Variants in MAPT observed in about 807,000 individuals in gnomAD.
The protein encoded by MAPT is microtubule-associated protein tau.
Under a neutral mutation model 67.9 loss-of-function variants are expected in MAPT, and 34 were observed. The observed-to-expected ratio is 0.50, with a 90% CI of 0.38 to 0.67. The LOEUF (loss-of-function observed/expected upper bound fraction) is 0.67. Ranked by LOEUF, MAPT falls within the 30% of genes least tolerant of loss-of-function variation. MAPT has a pLI of 0.00. For synonymous variants in MAPT, 456 were observed against 464.5 expected (o/e 0.98, Z 0.23); for missense variants, 881 against 1,115.2 (o/e 0.79, Z 2.99).
chr17:45,969,889 A>C (rs2071468495), intron 2 of MAPT, among the ~76,000 whole-genome samples: 1 of 150,908 alleles, frequency 6.6e-6, no homozygotes, highest in African/African-American at 2.4e-5. Flanking sequence ...TCCTTCCTCC[A>C]TCCATCCCAT....
At chr17:45,912,506 C>A (rs572302736) in intron 1 of MAPT, among the ~76,000 whole-genome samples, 5 of 152,328 alleles carry the variant, frequency 3.3e-5, no homozygotes, top group African/African-American at 9.6e-5. Flanking sequence ...CCAAGGACTG[C>A]TGGCAGCTAC....
chr17:46,008,631 G>A (rs1189412407), intron 9 of MAPT, among the ~76,000 whole-genome samples: 1 of 152,120 alleles, frequency 6.6e-6, no homozygotes, highest in African/African-American at 2.4e-5. Context: ...AGATTATGAA[G>A]AAATGAGTTA....
In MAPT at chr17:45,996,319, C is replaced by T; in HGVS notation, c.1733-80C>T. 6.6e-7 allele frequency: 1 copy of T among 1,517,122 alleles called. No homozygotes were observed. Among genetic ancestry groups the T allele is most frequent in the Non-Finnish European group, 9.1e-7 (1 of 1,104,730 alleles). The allele number at this position is 1,517,122 out of a possible 1,614,324, so 94.0% of individuals were successfully genotyped here. ...CCCAGTGGTGAGCCTGGGAATGGAC[C>T]CACGGGACAGGCAGCCCCCAGGGCC... On this transcript the variant is annotated intron_variant, in intron 8 of 12. Transcript: ENST00000262410. The surrounding 1 kb of genome is among the most constrained non-coding windows in gnomAD (Gnocchi z 4.5).
chr17:45,909,787 C>G (rs986757318), intron 1 of MAPT, among the ~76,000 whole-genome samples: 1 of 147,022 alleles, frequency 6.8e-6, no homozygotes, highest in African/African-American at 2.5e-5. Flanking sequence ...AGGAGAGAAT[C>G]GCTTGAATCC....
chr17:45,960,965 G>T (rs770639400), intron 1 of MAPT, among the ~76,000 whole-genome samples: 3 of 152,128 alleles, frequency 2.0e-5, no homozygotes, highest in African/African-American at 7.2e-5. Flanking sequence ...TGTCCACCAT[G>T]TTCCAAGAGA....
chr17:46,004,887 T>C (rs566548439), intron 9 of MAPT, among the ~76,000 whole-genome samples: 2 of 152,302 alleles, frequency 1.3e-5, no homozygotes, highest in South Asian at 2.1e-4. Flanking sequence ...GGGTTCATGC[T>C]ATTCTCCTGT....
intron 12 of MAPT, among the ~76,000 whole-genome samples, chr17:46,022,132 A>G (rs1285483220): frequency 6.6e-6 from 1 of 152,216 alleles, no homozygotes. Flanking sequence ...AGGCAGGCAG[A>G]TCACCTGAAA....
At chr17:45,935,483 A>G (rs903273053) in intron 1 of MAPT, among the ~76,000 whole-genome samples, 1 of 152,110 alleles carries the variant, frequency 6.6e-6, no homozygotes, top group Non-Finnish European at 1.5e-5. Context: ...GAGGTGGTGC[A>G]GGAATTTGGA....
rs1189863976 is a variant in MAPT at position 45,995,468 on chromosome 17, G to C, written c.1733-931G>C. 6.6e-6 allele frequency among the ~76,000 whole-genome samples: 1 copy of C among 152,154 alleles called. No individual in the cohort carries two copies. The highest frequency in any genetic ancestry group is 1.5e-5 in the Non-Finnish European group (1 of 68,036). On this transcript the variant is annotated intron_variant, in intron 8 of 12. Transcript: ENST00000262410. The surrounding 1 kb of genome is among the most constrained non-coding windows in gnomAD (Gnocchi z 4.3). ...TCCGGAGATTCTGACGCAGGGTTCC[G>C]TGGGCCACACTTTGGAAAATACAGA...
chr17:46,003,695 C>CTTG (rs1198070419), intron 9 of MAPT, among the ~76,000 whole-genome samples: 8 of 152,202 alleles, frequency 5.3e-5, no homozygotes, highest in Non-Finnish European at 1.2e-4. Flanking sequence ...TTTGCCTCTC[C>CTTG]TCAATCAGGG....
chr17:46,003,128 A>G (rs1383399008), intron 9 of MAPT, among the ~76,000 whole-genome samples: 1 of 136,750 alleles, frequency 7.3e-6, no homozygotes, highest in Non-Finnish European at 1.7e-5. Flanking sequence ...GTGTGGGCGC[A>G]CTCTCGTCTT....
At chr17:45,968,787 C>A (rs937745133) in intron 2 of MAPT, among the ~76,000 whole-genome samples, 2 of 152,218 alleles carry the variant, frequency 1.3e-5, no homozygotes, top group East Asian at 3.8e-4. Flanking sequence ...GCCCTTCAAC[C>A]AAGGTGACAT....
chr17:45,922,447 G>T (rs1281227528), intron 1 of MAPT, among the ~76,000 whole-genome samples: 1 of 150,314 alleles, frequency 6.7e-6, no homozygotes, highest in East Asian at 1.9e-4. Context: ...GCACTGGGCT[G>T]CTGAGGAACT....
intron 1 of MAPT, among the ~76,000 whole-genome samples, chr17:45,954,853 G>A (rs1045190593): frequency 2.0e-5 from 3 of 151,718 alleles, no homozygotes; most frequent in African/African-American, 4.8e-5. Context: ...GCACAGTGGC[G>A]GGCGCCTGTA....
chr17:45,895,185 C>T lies in MAPT; in HGVS notation c.-18+499C>T, dbSNP rs1439885231. On this transcript the variant is annotated intron_variant, in intron 1 of 12. Coordinates refer to ENST00000262410, the MANE Select transcript of MAPT (RefSeq NM_001377265.1). ...CTCTAAGAAAGACGTGGATCGGGTT[C>T]TAGAAAAGATGACTCCCTGCACGCC... 3 of 151,958 alleles carry T rather than the reference C, an allele frequency of 2.0e-5. No homozygotes were observed. In the East Asian group the frequency reaches 5.9e-4, roughly 30 times the overall value. 9.4% of individuals were successfully genotyped at this position (151,958 alleles called of 1,614,324 possible). A position where few individuals can be genotyped will look rare whatever the true frequency, so the allele number is the denominator to read the frequency against.
chr17:46,024,247 G>A lies in MAPT; in HGVS notation c.*76G>A, dbSNP rs73317038. ...GTGGAAAAAAAAAGAATAATGACCC[G>A]GCCCCCGCCCTCTGCCCCCAGCTGC... On this transcript the variant is annotated 3_prime_UTR_variant, in exon 13 of 13. Coordinates refer to ENST00000262410, the MANE Select transcript of MAPT (RefSeq NM_001377265.1). 6.1e-3 allele frequency: 8,082 copies of A among 1,328,340 alleles called. 424 individuals carry two copies. The African/African-American group carries it at 0.1, about 17-fold the overall frequency. The allele number at this position is 1,328,340 out of a possible 1,614,324, so 82.3% of individuals were successfully genotyped here. A position where few individuals can be genotyped will look rare whatever the true frequency, so the allele number is the denominator to read the frequency against.
rs1003381279 is a variant in MAPT at position 45,912,998 on chromosome 17, A to C, written c.-18+18312A>C. 5.3e-5 allele frequency among the ~76,000 whole-genome samples: 8 copies of C among 152,372 alleles called. No individual in the cohort carries two copies. In the South Asian group the frequency reaches 1.7e-3, roughly 32 times the overall value. On this transcript the variant is annotated intron_variant, in intron 1 of 12. Coordinates refer to ENST00000262410, the MANE Select transcript of MAPT (RefSeq NM_001377265.1). ...TTCTTCTTTCAACAGTCATTTGAGC[A>C]CTTACTACAAAACAGAAGCTATGTG... is the stretch of plus-strand genomic sequence containing the variant.
At chr17:45,979,609 G>A (rs1175671382) in intron 4 of MAPT, 1 of 152,210 alleles carries the variant, frequency 6.6e-6, no homozygotes, top group Non-Finnish European at 1.5e-5. Flanking sequence ...AAAACTATTA[G>A]AAGGGACAGT....
chr17:45,984,380 G>A (rs771972249), intron 5 of MAPT, among the ~76,000 whole-genome samples: 1 of 152,242 alleles, frequency 6.6e-6, no homozygotes, highest in Non-Finnish European at 1.5e-5. Flanking sequence ...GTAACTTGCC[G>A]AAGGCCAATG....
Sources: allele counts gnomAD v4.1 joint callset (sites outside exome capture counted in the v4.1 genomes callset), GRCh38; gene constraint gnomAD v4.1.1; non-coding constraint Gnocchi (gnomAD v3.1); transcripts MANE v1.5; gene names NCBI Gene and HGNC (gene_info 2026-07-23, HGNC 2026-07-21).